The following SGCD variants were observed in gnomAD, a reference collection of about 807,000 sequenced individuals.
SGCD encodes sarcoglycan delta, also known as delta-sarcoglycan.
A neutral mutation model predicts 36.6 loss-of-function variants in SGCD; 18 were observed. The ratio of observed to expected loss-of-function variants is 0.49; its 90% CI spans 0.34 to 0.73. The LOEUF (loss-of-function observed/expected upper bound fraction) is 0.73, where lower values mean the gene tolerates loss of function less well. Ranked by LOEUF, SGCD falls within the 30% of genes least tolerant of loss-of-function variation. The probability of loss-of-function intolerance (pLI) is 0.01; values close to 1 mark genes in which losing one functional copy is unlikely to be tolerated. For synonymous variants in SGCD, 133 were observed against 130.6 expected (o/e 1.02, Z -0.12); for missense variants, 387 against 346.7 (o/e 1.12, Z -0.92).
the SGCD span, among the ~76,000 whole-genome samples, chr5:155,823,068 ATC>A: frequency 1.1e-5 from 1 of 93,652 alleles, no homozygotes; most frequent in African/African-American, 3.7e-5. Flanking sequence ...CTCTATATCT[ATC>A]TATCTATCTA....
chr5:156,198,443 A>T (rs951588836), intron 3 of SGCD, among the ~76,000 whole-genome samples: 4 of 152,128 alleles, frequency 2.6e-5, no homozygotes, highest in Non-Finnish European at 4.4e-5. Flanking sequence ...TTATCCCAAT[A>T]GTCTTATGAA....
At chr5:156,204,208 C>A (rs2127638203) in intron 3 of SGCD, among the ~76,000 whole-genome samples, 1 of 152,100 alleles carries the variant, frequency 6.6e-6, no homozygotes, top group East Asian at 1.9e-4. Flanking sequence ...AGAAGAAAAA[C>A]AAGCTTAAGA....
intron 3 of SGCD, among the ~76,000 whole-genome samples, chr5:156,284,829 G>A (rs990005857): frequency 4.1e-4 from 62 of 152,016 alleles, no homozygotes; most frequent in Non-Finnish European, 7.6e-4. Context: ...CCAGGGCAAT[G>A]AGGCAGGAGA....
At chr5:155,888,468 G>T (rs1048124414) in intron 1 of SGCD, among the ~76,000 whole-genome samples, 1 of 152,188 alleles carries the variant, frequency 6.6e-6, no homozygotes. Context: ...ATCCAATATA[G>T]ATTTGATGTA....
chr5:156,627,055 C>T (rs1404413138), intron 6 of SGCD, among the ~76,000 whole-genome samples: 1 of 152,158 alleles, frequency 6.6e-6, no homozygotes, highest in Non-Finnish European at 1.5e-5. Flanking sequence ...CTGCTTTGGA[C>T]CAATCCTGAA....
chr5:156,075,892 T>A (rs2127589983), intron 1 of SGCD, among the ~76,000 whole-genome samples: 1 of 152,328 alleles, frequency 6.6e-6, no homozygotes, highest in East Asian at 1.9e-4. Flanking sequence ...CTGACTGTGA[T>A]GAGAATCTGG....
chr5:156,571,212 A>C (rs1453012420), intron 4 of SGCD, among the ~76,000 whole-genome samples: 3 of 152,012 alleles, frequency 2.0e-5, no homozygotes, highest in Non-Finnish European at 2.9e-5. Flanking sequence ...CACCCAGCTA[A>C]TTATTGTATT....
chr5:156,213,190 A>T (rs1764490416), intron 3 of SGCD, among the ~76,000 whole-genome samples: 1 of 152,026 alleles, frequency 6.6e-6, no homozygotes, highest in Admixed American at 6.5e-5. Flanking sequence ...GAAAAACAAT[A>T]GCAAAGATTA....
chr5:156,536,571 G>A (rs543179551), intron 4 of SGCD, among the ~76,000 whole-genome samples: 2 of 151,324 alleles, frequency 1.3e-5, no homozygotes, highest in South Asian at 4.2e-4. Flanking sequence ...TGTCATCACT[G>A]ATCCTTTAAG....
At chr5:155,904,218 C>G (rs1357436392) in intron 1 of SGCD, among the ~76,000 whole-genome samples, 1 of 152,146 alleles carries the variant, frequency 6.6e-6, no homozygotes, top group East Asian at 1.9e-4. Flanking sequence ...GTATCTTCTT[C>G]CAAACAGGAG....
chr5:156,649,756 A>C (rs1763386958), intron 7 of SGCD, among the ~76,000 whole-genome samples: 1 of 152,096 alleles, frequency 6.6e-6, no homozygotes, highest in Non-Finnish European at 1.5e-5. Context: ...GATATACCTA[A>C]TGTTAAATGA....
the SGCD span, among the ~76,000 whole-genome samples, chr5:155,803,492 A>G: frequency 6.6e-6 from 1 of 152,174 alleles, no homozygotes; most frequent in Non-Finnish European, 1.5e-5. Flanking sequence ...GACTTCTCCT[A>G]TACTCCAGAG....
At chr5:156,500,538 A>G (rs1756399354) in intron 3 of SGCD, among the ~76,000 whole-genome samples, 2 of 152,186 alleles carry the variant, frequency 1.3e-5, no homozygotes, top group Admixed American at 6.5e-5. Flanking sequence ...AACCCGTCCA[A>G]TGCTGATGCA....
intron 7 of SGCD, among the ~76,000 whole-genome samples, chr5:156,691,597 A>G (rs1181225373): frequency 2.0e-5 from 3 of 152,248 alleles, no homozygotes; most frequent in Non-Finnish European, 2.9e-5. Flanking sequence ...ATAAAACTGT[A>G]TTTATGGACA....
intron 4 of SGCD, among the ~76,000 whole-genome samples, chr5:156,528,456 A>C (rs1757735325): frequency 6.6e-6 from 1 of 152,164 alleles, no homozygotes; most frequent in Admixed American, 6.6e-5. Context: ...CATGATAGGA[A>C]AACAAATTGT....
the SGCD span, among the ~76,000 whole-genome samples, chr5:155,796,141 G>C: frequency 6.6e-6 from 1 of 152,108 alleles, no homozygotes; most frequent in African/African-American, 2.4e-5. Flanking sequence ...ACAATCATGA[G>C]AGAAATTATA....
intron 2 of SGCD, among the ~76,000 whole-genome samples, chr5:156,338,694 A>G (rs60947826): frequency 0.43 from 65,064 of 151,826 alleles, 14,297 homozygotes; most frequent in East Asian, 0.78. Flanking sequence ...CTCGGTGACA[A>G]CTTCACAGTG....
At chr5:156,378,625 C>T (rs904896190) in intron 3 of SGCD, among the ~76,000 whole-genome samples, 6 of 152,060 alleles carry the variant, frequency 3.9e-5, no homozygotes, top group Non-Finnish European at 7.4e-5. Context: ...CTGATATAAG[C>T]CAACTTTTGT....
At position 156,468,181 on chromosome 5, in the gene SGCD, T is replaced by C. The variant is rs146272974; in HGVS notation, c.193-40420T>C. On this transcript the variant is annotated intron_variant, in intron 3 of 8. Coordinates refer to ENST00000337851, the MANE Select transcript of SGCD (RefSeq NM_000337.6). ...CTGGGCAACATAATGAGACCCCATC[T>C]TTGCAAAAATTAAAATATGCATGGT... 4.4e-3 allele frequency among the ~76,000 whole-genome samples: 672 copies of C among 152,002 alleles called. 4 individuals carry two copies. Among genetic ancestry groups the C allele is most frequent in the African/African-American group, 0.015 (625 of 41,462 alleles).
Sources: gnomAD v4.1 joint callset for allele counts (sites outside exome capture counted in the v4.1 genomes callset) on GRCh38, gnomAD v4.1.1 for gene constraint, MANE v1.5 for transcripts, NCBI Gene and HGNC (gene_info 2026-07-23, HGNC 2026-07-21) for gene names.